Variants in HACL1 observed in about 807,000 individuals in gnomAD.
The protein encoded by HACL1 is 1600020H07Rik.
Under a neutral mutation model 74.2 loss-of-function variants are expected in HACL1, and 64 were observed. The observed-to-expected ratio is 0.86, with a 90% CI of 0.70 to 1.06. The LOEUF is 1.06. HACL1 is among the 50% of genes least tolerant of loss of function. The pLI is 0.00. For synonymous variants in HACL1, 230 were observed against 238.8 expected, an observed-to-expected ratio of 0.96 and a Z score of 0.34; for missense variants, 728 against 719.7, an observed-to-expected ratio of 1.01 and a Z score of -0.13.
At chr3:15,598,358 A>G (rs911109862) in intron 2 of HACL1, among the ~76,000 whole-genome samples, 1 of 152,118 alleles carries the variant, frequency 6.6e-6, no homozygotes, top group African/African-American at 2.4e-5. Flanking sequence ...CTGTTCCTCT[A>G]CTAAACTACC....
chr3:15,570,869 A>G (rs1474570468), intron 12 of HACL1, among the ~76,000 whole-genome samples: 1 of 152,078 alleles, frequency 6.6e-6, no homozygotes, highest in African/African-American at 2.4e-5. Context: ...TTCAATTTTT[A>G]TGAAACAGCT....
At chr3:15,598,773 T>C (rs73148190) in intron 2 of HACL1, among the ~76,000 whole-genome samples, 3,247 of 152,332 alleles carry the variant, frequency 0.021, 118 homozygotes, top group African/African-American at 0.074. Flanking sequence ...CTCTGAATCA[T>C]TCTGTCACTA....
At chr3:15,601,342 G>C (rs994805529) in intron 1 of HACL1, 41 bp downstream of exon 1, 2 of 1,612,260 alleles carry the variant, frequency 1.2e-6, no homozygotes, top group Non-Finnish European at 1.7e-6. Flanking sequence ...GTCCCCGCCA[G>C]CTTCCGTAGG....
chr3:15,564,522 G>T, intron 15 of HACL1, 29 bp downstream of exon 15: 1 of 940,870 alleles, frequency 1.1e-6, no homozygotes, highest in Non-Finnish European at 1.7e-6. Context: ...GAAAGAGAAA[G>T]TAAACAGACA....
chr3:15,592,043 A>G (rs993782650), intron 3 of HACL1, among the ~76,000 whole-genome samples: 30 of 132,308 alleles, frequency 2.3e-4, no homozygotes, highest in Non-Finnish European at 4.1e-4. Flanking sequence ...GTATATATAC[A>G]CACACTATAT....
rs374481059 is a variant in HACL1, at chr3:15,601,111, G to T, written c.165C>A (p.Ile55=). 7 of 1,612,268 alleles carry T rather than the reference G, an allele frequency of 4.3e-6. No homozygotes were observed. The South Asian group carries it at 4.4e-5, about 10-fold the overall frequency. ...TCACCGCTTGCTCATTCCTCATCCC[G>T]ATGTACTTGATGCCTAGCTGCTGGG... ...IAAQQLGIKY[I]GMRNEQAACY... is the part of the protein sequence containing the mutation. Residue 55 remains isoleucine, a synonymous_variant, in exon 2 of 17, where the codon ATC becomes ATA. Transcript: ENST00000321169.
intron 9 of HACL1, among the ~76,000 whole-genome samples, chr3:15,576,749 T>C (rs999650604): frequency 2.0e-5 from 3 of 152,250 alleles, no homozygotes; most frequent in African/African-American, 7.2e-5. Flanking sequence ...CCCTTTTTCC[T>C]GTCTTTTGCC....
At chr3:15,564,776 G>C in intron 14 of HACL1, 118 bp from the exon 15 acceptor site, 1 of 550,530 alleles carries the variant, frequency 1.8e-6, no homozygotes, top group Non-Finnish European at 3.2e-6. Flanking sequence ...TGTATTATTA[G>C]AGGAAGACTA....
intron 3 of HACL1, among the ~76,000 whole-genome samples, chr3:15,594,276 C>T (rs2064016198): frequency 6.6e-6 from 1 of 152,074 alleles, no homozygotes; most frequent in Non-Finnish European, 1.5e-5. Flanking sequence ...TATGGTGGTG[C>T]ACACCTGTAG....
At chr3:15,591,514 T>C (rs962408355) in intron 4 of HACL1, 86 bp downstream of exon 4, 2 of 691,982 alleles carry the variant, frequency 2.9e-6, no homozygotes, top group East Asian at 3.0e-5. Context: ...CAAGTCTTTC[T>C]ACCCTAGATC....
chr3:15,564,820 T>C (rs2063405749), intron 14 of HACL1, among the ~76,000 whole-genome samples, 162 bp from the exon 15 acceptor site: 2 of 152,188 alleles, frequency 1.3e-5, no homozygotes, highest in African/African-American at 4.8e-5. Context: ...AGAAAGAATA[T>C]CAAATAATTA....
At chr3:15,585,712 C>G (rs564201379) in intron 6 of HACL1, among the ~76,000 whole-genome samples, 1 of 152,138 alleles carries the variant, frequency 6.6e-6, no homozygotes, top group African/African-American at 2.4e-5. Context: ...TGCTGTTACA[C>G]GTATCAAATG....
At chr3:15,596,003 G>T (rs969004170) in intron 3 of HACL1, 181 of 160,814 alleles carry the variant, frequency 1.1e-3, no homozygotes, top group African/African-American at 4.0e-3. Flanking sequence ...ATAAAAAGGG[G>T]GTGGTAGTTA....
At chr3:15,578,698 G>A (rs111872400) in intron 9 of HACL1, among the ~76,000 whole-genome samples, 11 of 152,256 alleles carry the variant, frequency 7.2e-5, no homozygotes, top group African/African-American at 2.6e-4. Flanking sequence ...GCATGGTGGT[G>A]GCTCCCAAGC....
At chr3:15,596,180 A>C (rs1210789327) in intron 3 of HACL1, 2 of 524,764 alleles carry the variant, frequency 3.8e-6, no homozygotes, top group Non-Finnish European at 6.9e-6. Flanking sequence ...ACTCTACAAA[A>C]TGGCAATGTG....
At chr3:15,570,363 TG>T (rs1426387803) in intron 12 of HACL1, among the ~76,000 whole-genome samples, 1 of 151,322 alleles carries the variant, frequency 6.6e-6, no homozygotes, top group Non-Finnish European at 1.5e-5. Context: ...AAAATTCCAA[TG>T]TAAGACAGAT....
Position 15,579,989 on chromosome 3 carries a change from G to GT in HACL1, c.723dup (p.Leu242ThrfsTer15). The stretch of plus-strand genomic sequence containing the variant: ...CCCATAGGGGTGGGCAAAAATGGCA[G>GT]TTTATATTGCTCCACCAATTTCTTG... On this transcript the variant is annotated frameshift_variant, in exon 9 of 17. Transcript: ENST00000321169. LOFTEE classifies it high-confidence loss of function. 17 of 1,609,088 alleles carry GT rather than the reference G, an allele frequency of 1.1e-5. No homozygotes were observed. Among genetic ancestry groups the GT allele is most frequent in the Non-Finnish European group, 1.4e-5 (17 of 1,175,482 alleles).
intron 4 of HACL1, 81 bp downstream of exon 4, chr3:15,591,519 T>C: frequency 1.3e-6 from 1 of 746,862 alleles, no homozygotes; most frequent in Non-Finnish European, 2.3e-6. Context: ...CTTTCTACCC[T>C]AGATCAGCAT....
chr3:15,560,987 G>T, intron 16 of HACL1, 90 bp from the exon 17 acceptor site: 1 of 1,012,174 alleles, frequency 9.9e-7, no homozygotes, highest in South Asian at 1.3e-5. Context: ...AAACCTAAAA[G>T]TCCTACACAA....
Sources: allele counts gnomAD v4.1 joint callset (sites outside exome capture counted in the v4.1 genomes callset), GRCh38; gene constraint gnomAD v4.1.1; transcripts MANE v1.5; gene names NCBI Gene and HGNC (gene_info 2026-07-23, HGNC 2026-07-21).